DOCK8: variants seen among roughly 807,000 people sequenced by gnomAD.
The protein encoded by DOCK8 is dedicator of cytokinesis protein 8.
DOCK8 carries 141 observed loss-of-function variants against 245.6 expected under a neutral mutation model. The ratio of observed to expected loss-of-function variants is 0.57; its 90% confidence interval spans 0.50 to 0.66. The LOEUF is 0.66. Ranked by LOEUF, DOCK8 falls within the 30% of genes least tolerant of loss-of-function variation. The pLI, the probability that DOCK8 is intolerant of heterozygous loss-of-function variation, is 0.00. For missense variants in DOCK8, 2,965 were observed against 2,603.4 expected (o/e 1.14, Z -3.02); for synonymous variants, 1,168 against 970.2 (o/e 1.20, Z -3.79).
chr9:357,069 TAAAC>T (rs2052480455), intron 14 of DOCK8, among the ~76,000 whole-genome samples: 1 of 152,218 alleles, frequency 6.6e-6, no homozygotes, highest in Non-Finnish European at 1.5e-5. Flanking sequence ...TAGTTGGACT[TAAAC>T]AAGTGAAGTG....
chr9:346,162 G>A (rs376111450), intron 14 of DOCK8, among the ~76,000 whole-genome samples: 2 of 152,170 alleles, frequency 1.3e-5, no homozygotes, highest in African/African-American at 2.4e-5. Context: ...CAGAACAGCT[G>A]GAAAAACTGA....
At chr9:216,654 C>A (rs1408203690) in intron 1 of DOCK8, among the ~76,000 whole-genome samples, 2 of 150,948 alleles carry the variant, frequency 1.3e-5, no homozygotes, top group African/African-American at 4.9e-5. Flanking sequence ...GTAATTCATT[C>A]AAGGAGTATA....
chr9:435,086 A>G, intron 39 of DOCK8, 111 bp downstream of exon 39: 2 of 1,302,866 alleles, frequency 1.5e-6, no homozygotes, highest in South Asian at 2.5e-5. Flanking sequence ...GGTTATCACA[A>G]CTGGGATGGG....
Position 312,517 on chromosome 9 carries a change from A to G in DOCK8, c.741+351A>G, listed in dbSNP as rs1254312461. The G allele has an allele frequency of 6.8e-6, 3 of 442,614 alleles. No homozygotes were observed. The Admixed American group carries it at 7.9e-5, about 12-fold the overall frequency. The allele number at this position is 442,614 out of a possible 1,614,324, so 27.4% of individuals were successfully genotyped here. A position where few individuals can be genotyped will look rare whatever the true frequency, so the allele number is the denominator to read the frequency against. The stretch of plus-strand genomic sequence containing the variant: ...CTATTATTTGAGGGGATGTGTGGTC[A>G]CTAATCCATTGAGACATACATTACT... On this transcript the variant is annotated intron_variant, in intron 6 of 47. Coordinates refer to ENST00000432829, the MANE Select transcript of DOCK8 (RefSeq NM_203447.4).
At chr9:428,567 C>CT (rs1188338345) in intron 35 of DOCK8, 71 bp downstream of exon 35, 1 of 1,581,140 alleles carries the variant, frequency 6.3e-7, no homozygotes, top group African/African-American at 1.3e-5. Context: ...ATACTTCTCT[C>CT]TTCAGGTGGA....
rs543040252 is a variant in DOCK8 at position 397,313 on chromosome 9, A to T, written c.3120+379A>T. ...TTGCAGTGAGCCGAGATGGTGCCAC[A>T]GCACTCCAGCCTGGGTGACAGAGTG... On this transcript the variant is annotated intron_variant, in intron 25 of 47. Transcript: ENST00000432829. 3.1e-4 allele frequency among the ~76,000 whole-genome samples: 47 copies of T among 149,984 alleles called. No homozygotes were observed. In the East Asian group the frequency reaches 7.4e-3, roughly 23 times the overall value.
intron 2 of DOCK8, among the ~76,000 whole-genome samples, 197 bp downstream of exon 2, chr9:271,926 T>C (rs1205238260): frequency 2.0e-5 from 3 of 152,152 alleles, no homozygotes. Flanking sequence ...GGGTACATAA[T>C]AGAACCTCTG....
At chr9:352,509 C>T (rs1251176173) in intron 14 of DOCK8, among the ~76,000 whole-genome samples, 5 of 151,942 alleles carry the variant, frequency 3.3e-5, no homozygotes, top group African/African-American at 9.7e-5. Context: ...TTTGGGAGGC[C>T]GAGGCGGGTG....
In DOCK8 at chr9:399,252, G is replaced by A; in HGVS notation, c.3227G>A (p.Cys1076Tyr). The A allele has an allele frequency of 6.2e-7, 1 of 1,612,686 alleles. No homozygotes were observed. The highest frequency in any genetic ancestry group is 1.3e-5 in the African/African-American group (1 of 74,818). The change falls in exon 26 of 48, where the codon TGC (cysteine) becomes TAC (tyrosine). Residue 1076 changes from cysteine to tyrosine, a missense_variant. Coordinates refer to ENST00000432829, the MANE Select transcript of DOCK8 (RefSeq NM_203447.4). Reference protein sequence around the residue: ...GFVFNLIRHYCSQLSAKLSNL... With the variant: ...GFVFNLIRHYYSQLSAKLSNL... ...GTGTTTAACCTCATCAGACATTATTGCAGCCAGGTGAGTGTCCCCCCCACC... is the reference window on the plus strand; with the variant it reads ...GTGTTTAACCTCATCAGACATTATTACAGCCAGGTGAGTGTCCCCCCCACC...
At chr9:429,184 C>T (rs966663230) in intron 35 of DOCK8, among the ~76,000 whole-genome samples, 14 of 152,204 alleles carry the variant, frequency 9.2e-5, no homozygotes, top group Non-Finnish European at 4.4e-5. Context: ...CCAGGCTGGT[C>T]TTGAACTCCT....
rs1405755843 is a variant in DOCK8, at chr9:376,199, C to G, written c.2110-11C>G. 1 of 1,573,524 alleles carries G rather than the reference C, an allele frequency of 6.4e-7. No individual in the cohort carries two copies. Among genetic ancestry groups the G allele is most frequent in the Non-Finnish European group, 8.7e-7 (1 of 1,146,834 alleles). ...TGGATTGCTAATCTTTTTTTTTTCT[C>G]TTTAACACAGAAAGTCCCATTACAG... is the stretch of plus-strand genomic sequence containing the variant. On this transcript the variant is annotated splice_polypyrimidine_tract_variant and intron_variant, in intron 18 of 47. Transcript: ENST00000432829.
chr9:359,708 C>T (rs1315896810), intron 14 of DOCK8, among the ~76,000 whole-genome samples: 3 of 150,660 alleles, frequency 2.0e-5, no homozygotes, highest in Non-Finnish European at 2.9e-5. Context: ...TAAAAAGCGC[C>T]AACCTTTTCC....
intron 14 of DOCK8, among the ~76,000 whole-genome samples, chr9:367,627 A>T (rs1222267820): frequency 6.6e-6 from 1 of 152,254 alleles, no homozygotes; most frequent in African/African-American, 2.4e-5. Flanking sequence ...GATTAGGAAG[A>T]AAAAAGAGAA....
chr9:413,599 G>T (rs2055854878), intron 28 of DOCK8, among the ~76,000 whole-genome samples: 2 of 152,146 alleles, frequency 1.3e-5, no homozygotes, highest in Non-Finnish European at 2.9e-5. Flanking sequence ...AAAGGCAAAA[G>T]ATCAGAATAG....
chr9:237,297 A>G (rs1408157398), intron 1 of DOCK8, among the ~76,000 whole-genome samples: 1 of 152,246 alleles, frequency 6.6e-6, no homozygotes, highest in East Asian at 1.9e-4. Flanking sequence ...GAAGAATACA[A>G]GGTGCCATTG....
intron 10 of DOCK8, among the ~76,000 whole-genome samples, chr9:333,160 C>T (rs562578998): frequency 7.2e-5 from 11 of 152,248 alleles, no homozygotes; most frequent in South Asian, 2.1e-4. Context: ...CAGCATGGGC[C>T]GCTGCCCTTT....
At chr9:226,931 C>A (rs1264328991) in intron 1 of DOCK8, among the ~76,000 whole-genome samples, 1 of 152,066 alleles carries the variant, frequency 6.6e-6, no homozygotes, top group Non-Finnish European at 1.5e-5. Context: ...AGCCAGAAAG[C>A]TATATGCGTA....
chr9:268,528 C>T (rs890155886), intron 1 of DOCK8, among the ~76,000 whole-genome samples: 1 of 152,220 alleles, frequency 6.6e-6, no homozygotes, highest in Admixed American at 6.5e-5. Context: ...CTTCCTGCCT[C>T]TTTGATCCTC....
At chr9:365,534 A>G (rs1037402795) in intron 14 of DOCK8, 2 of 441,262 alleles carry the variant, frequency 4.5e-6, no homozygotes, top group Non-Finnish European at 9.0e-6. Flanking sequence ...TAATAATAGA[A>G]GTCTACTGCT....
Sources: gnomAD v4.1 joint callset for allele counts (sites outside exome capture counted in the v4.1 genomes callset) on GRCh38, gnomAD v4.1.1 for gene constraint, MANE v1.5 for transcripts, NCBI Gene and HGNC (gene_info 2026-07-23, HGNC 2026-07-21) for gene names.